MYO10: variants seen among roughly 807,000 people sequenced by gnomAD.
MYO10 encodes myosin X.
A neutral mutation model predicts 257.3 loss-of-function variants in MYO10; 133 were observed. The ratio of observed to expected loss-of-function variants is 0.52; its 90% CI spans 0.45 to 0.60. The LOEUF is 0.60. Among genes scored for constraint, MYO10 ranks in the 20% least tolerant of loss-of-function variants. The pLI, the probability that MYO10 is intolerant of heterozygous loss-of-function variation, is 0.00. For synonymous variants in MYO10, 1,104 were observed against 1,028.6 expected, an observed-to-expected ratio of 1.07 and a Z score of -1.40; for missense variants, 2,399 against 2,635.7, an observed-to-expected ratio of 0.91 and a Z score of 1.97.
intron 19 of MYO10, among the ~76,000 whole-genome samples, chr5:16,750,085 C>T (rs180957119): frequency 6.6e-6 from 1 of 152,214 alleles, no homozygotes; most frequent in Non-Finnish European, 1.5e-5. Flanking sequence ...TCATTACCAA[C>T]GAAAACTCGT....
At chr5:16,901,545 C>T (rs1213387428) in intron 1 of MYO10, among the ~76,000 whole-genome samples, 7 of 152,140 alleles carry the variant, frequency 4.6e-5, no homozygotes, top group Non-Finnish European at 8.8e-5. Flanking sequence ...CTTTCGCGTC[C>T]AACTCACTTC....
intron 2 of MYO10, among the ~76,000 whole-genome samples, 181 bp from the exon 3 acceptor site, chr5:16,818,348 CTGTGTGTGTATGTATGTGTG>C (rs1742689517): frequency 6.9e-6 from 1 of 145,584 alleles, no homozygotes; most frequent in Non-Finnish European, 1.5e-5. Flanking sequence ...CTCTCTCTCT[CTGTGTGTGTATGTATGTGTG>C]TGTGTGTGTG....
chr5:16,834,023 G>A (rs1023003867), intron 2 of MYO10, among the ~76,000 whole-genome samples: 3 of 151,932 alleles, frequency 2.0e-5, no homozygotes, highest in African/African-American at 4.8e-5. Flanking sequence ...AGGCCCCCCC[G>A]AACGCCCCAT....
intron 19 of MYO10, chr5:16,738,382 A>G: frequency 1.0e-6 from 1 of 985,492 alleles, no homozygotes; most frequent in South Asian, 4.7e-5. Context: ...AAGGGTAGCA[A>G]GTGCAGCCTT....
chr5:16,776,138 C>A (rs1741204229), intron 9 of MYO10, among the ~76,000 whole-genome samples: 1 of 151,762 alleles, frequency 6.6e-6, no homozygotes, highest in African/African-American at 2.4e-5. Flanking sequence ...CTCAAGTGAT[C>A]TGCCCACCTC....
At chr5:16,689,605 G>C (rs1468655583) in intron 28 of MYO10, among the ~76,000 whole-genome samples, 1 of 151,740 alleles carries the variant, frequency 6.6e-6, no homozygotes, top group African/African-American at 2.4e-5. Context: ...GGCACTGGAG[G>C]CTGGAAATCC....
In MYO10 at chr5:16,884,898, A is replaced by G. The variant is rs1414861773; in HGVS notation, c.22-7191T>C. The stretch of plus-strand genomic sequence containing the variant: ...CTATTCTAGAGTAATACAGTGTTCT[A>G]GAGCCATGGCCAAACTGAAGGTGTT... On this transcript the variant is annotated intron_variant, in intron 1 of 40. Transcript: ENST00000513610. 2.6e-5 allele frequency among the ~76,000 whole-genome samples: 4 copies of G among 152,186 alleles called. No homozygotes were observed. The East Asian group carries it at 7.7e-4, about 29-fold the overall frequency.
At chr5:16,779,942 C>A (rs186828708) in intron 8 of MYO10, among the ~76,000 whole-genome samples, 5 of 152,304 alleles carry the variant, frequency 3.3e-5, no homozygotes, top group African/African-American at 9.6e-5. Context: ...AGCTCTGTCA[C>A]CCAGGCTGGA....
At chr5:16,685,230 G>A (rs1429729581) in intron 29 of MYO10, among the ~76,000 whole-genome samples, 1 of 151,970 alleles carries the variant, frequency 6.6e-6, no homozygotes, top group Admixed American at 6.6e-5. Context: ...TTTGTTGTTT[G>A]TTTTTTTAGG....
chr5:16,838,990 T>C (rs1743391765), intron 2 of MYO10, among the ~76,000 whole-genome samples: 1 of 152,206 alleles, frequency 6.6e-6, no homozygotes, highest in Admixed American at 6.5e-5. Context: ...TACTGCTCAC[T>C]GACAATGCAC....
chr5:16,696,447 T>C (rs1251952062), intron 26 of MYO10, among the ~76,000 whole-genome samples: 5 of 152,246 alleles, frequency 3.3e-5, no homozygotes, highest in African/African-American at 1.2e-4. Context: ...ATTTACACAA[T>C]AGCTTTAAGA....
intron 19 of MYO10, among the ~76,000 whole-genome samples, chr5:16,725,502 C>A (rs775152686): frequency 5.9e-5 from 9 of 152,152 alleles, no homozygotes; most frequent in Non-Finnish European, 1.3e-4. Flanking sequence ...CATGTGCCCA[C>A]TTAATCTTTA....
intron 1 of MYO10, among the ~76,000 whole-genome samples, chr5:16,889,951 T>C (rs1444501240): frequency 1.3e-5 from 2 of 151,774 alleles, no homozygotes; most frequent in African/African-American, 2.4e-5. Flanking sequence ...ATTTTCTTAA[T>C]GGAATCCCAG....
chr5:16,805,154 C>T (rs939445132), intron 3 of MYO10, among the ~76,000 whole-genome samples: 6 of 151,886 alleles, frequency 4.0e-5, no homozygotes, highest in African/African-American at 1.5e-4. Flanking sequence ...TCAAGTGAAG[C>T]AAAGATAAAG....
intron 2 of MYO10, among the ~76,000 whole-genome samples, chr5:16,833,283 G>A (rs1265085339): frequency 1.3e-5 from 2 of 150,272 alleles, no homozygotes; most frequent in African/African-American, 2.4e-5. Flanking sequence ...GCATGATCTC[G>A]GCTCACTGCA....
chr5:16,703,203 G>A (rs1046081522), intron 22 of MYO10, 45 bp from the exon 23 acceptor site: 2 of 1,440,852 alleles, frequency 1.4e-6, no homozygotes, highest in Non-Finnish European at 1.9e-6. Context: ...AAGTAATGAG[G>A]CTTTGAGCTA....
At chr5:16,908,291 G>A (rs1470679918) in intron 1 of MYO10, among the ~76,000 whole-genome samples, 1 of 152,104 alleles carries the variant, frequency 6.6e-6, no homozygotes, top group East Asian at 1.9e-4. Flanking sequence ...ACTTTGGGAG[G>A]CCGAGGTGGA....
At position 16,670,645 on chromosome 5, in the gene MYO10, C is replaced by T. The variant is rs1736404782; in HGVS notation, c.5764G>A (p.Ala1922Thr). ...TTCCTCCACTTGTCAATGATACTGG[C>T]TCGAGCAGAGGAGACTTCTTCCTTA... The part of the protein sequence containing the change: ...WIKEEVSSAR[A>T]SIIDKWRKFQ... Residue 1922 changes from alanine to threonine, a missense_variant, in exon 39 of 41, where the codon GCC (alanine) becomes ACC (threonine). By Grantham distance (58) the Ala-to-Thr change is moderately conservative (BLOSUM62 0). Coordinates refer to ENST00000513610, the MANE Select transcript of MYO10 (RefSeq NM_012334.3). 2 of 1,613,912 alleles carry T rather than the reference C, an allele frequency of 1.2e-6. No homozygotes were observed. The highest frequency in any genetic ancestry group is 1.3e-5 in the African/African-American group (1 of 74,938).
chr5:16,681,563 C>T, intron 31 of MYO10, 60 bp from the exon 32 acceptor site: 1 of 1,460,932 alleles, frequency 6.8e-7, no homozygotes, highest in Non-Finnish European at 9.3e-7. Flanking sequence ...AAAGACCACA[C>T]AATCATCTGC....
Sources: allele counts gnomAD v4.1 joint callset (sites outside exome capture counted in the v4.1 genomes callset), GRCh38; gene constraint gnomAD v4.1.1; transcripts MANE v1.5; gene names NCBI Gene and HGNC (gene_info 2026-07-23, HGNC 2026-07-21).